The following SFMBT2 variants were observed in gnomAD, a reference collection of about 807,000 sequenced individuals.
SFMBT2 encodes Scm like with four mbt domains 2, also known as scm-like with four MBT domains protein 2.
In SFMBT2, 38 loss-of-function variants were observed where a neutral mutation model predicts 110.1. The ratio of observed to expected loss-of-function variants is 0.35; its 90% confidence interval spans 0.27 to 0.45. The LOEUF is 0.45. Ranked by LOEUF, SFMBT2 falls within the 20% of genes least tolerant of loss-of-function variation. The pLI, the probability that SFMBT2 is intolerant of heterozygous loss-of-function variation, is 1.00. For missense variants in SFMBT2, 1,011 were observed against 1,094.9 expected, an observed-to-expected ratio of 0.92 and a Z score of 1.08; for synonymous variants, 425 against 425.4, an observed-to-expected ratio of 1.00 and a Z score of 0.01.
chr10:7,211,344 C>G (rs1475001948), intron 11 of SFMBT2, among the ~76,000 whole-genome samples: 1 of 152,114 alleles, frequency 6.6e-6, no homozygotes, highest in Non-Finnish European at 1.5e-5. Flanking sequence ...GCTTGGGACC[C>G]CTTCAGTGAG....
intron 15 of SFMBT2, among the ~76,000 whole-genome samples, chr10:7,197,242 C>T (rs1838803710): frequency 6.6e-6 from 1 of 152,124 alleles, no homozygotes; most frequent in Non-Finnish European, 1.5e-5. Flanking sequence ...TAGGCCCTCA[C>T]TCCACACACA....
At chr10:7,234,112 A>C (rs1840188329) in intron 9 of SFMBT2, among the ~76,000 whole-genome samples, 1 of 152,234 alleles carries the variant, frequency 6.6e-6, no homozygotes, top group African/African-American at 2.4e-5. Flanking sequence ...GGTGATGTTC[A>C]GTTTCAAGCC....
chr10:7,234,985 G>C (rs2131695279), intron 9 of SFMBT2, among the ~76,000 whole-genome samples: 1 of 152,302 alleles, frequency 6.6e-6, no homozygotes, highest in East Asian at 1.9e-4. Context: ...GGATCAGAGA[G>C]GCAGCAGAGA....
At chr10:7,184,228 G>C (rs1277473635) in intron 16 of SFMBT2, among the ~76,000 whole-genome samples, 1 of 152,154 alleles carries the variant, frequency 6.6e-6, no homozygotes, top group Non-Finnish European at 1.5e-5. Context: ...ATCTCATCTT[G>C]AATTGTAGCT....
chr10:7,259,085 G>T (rs1242034015), intron 7 of SFMBT2, among the ~76,000 whole-genome samples: 1 of 152,152 alleles, frequency 6.6e-6, no homozygotes, highest in Non-Finnish European at 1.5e-5. Context: ...GACGCTGAGG[G>T]GGCCCCTAAA....
At chr10:7,246,518 A>G (rs1174610131) in intron 8 of SFMBT2, among the ~76,000 whole-genome samples, 1 of 152,138 alleles carries the variant, frequency 6.6e-6, no homozygotes, top group Non-Finnish European at 1.5e-5. Flanking sequence ...CAGGAGTTCG[A>G]GACCAGCCTG....
chr10:7,268,435 T>C (rs921654434), intron 7 of SFMBT2, among the ~76,000 whole-genome samples: 1 of 152,168 alleles, frequency 6.6e-6, no homozygotes, highest in Non-Finnish European at 1.5e-5. Context: ...CATTGGGATA[T>C]GTCATAAGTT....
chr10:7,360,617 GT>G (rs1844686203), intron 4 of SFMBT2, among the ~76,000 whole-genome samples: 1 of 152,170 alleles, frequency 6.6e-6, no homozygotes, highest in East Asian at 1.9e-4. Flanking sequence ...TATATGAAGG[GT>G]TTTGATTCAC....
At chr10:7,270,459 T>G (rs1390245586) in intron 7 of SFMBT2, among the ~76,000 whole-genome samples, 5 of 152,026 alleles carry the variant, frequency 3.3e-5, no homozygotes, top group Non-Finnish European at 7.4e-5. Context: ...AACGTGTAGA[T>G]TCTCACTCAT....
intron 8 of SFMBT2, among the ~76,000 whole-genome samples, chr10:7,246,689 A>G (rs1049250244): frequency 2.3e-5 from 3 of 130,312 alleles, no homozygotes; most frequent in Admixed American, 1.9e-4. Flanking sequence ...ACTGCACTCT[A>G]GCCTGGGTGA....
At chr10:7,206,701 A>G in intron 11 of SFMBT2, 1 of 752,036 alleles carries the variant, frequency 1.3e-6, no homozygotes, top group Non-Finnish European at 1.6e-6. Context: ...ACTCTGAAAA[A>G]GACAAGAAGA....
intron 1 of SFMBT2, among the ~76,000 whole-genome samples, chr10:7,404,821 T>A (rs1289812162): frequency 6.6e-6 from 1 of 152,232 alleles, no homozygotes; most frequent in Admixed American, 6.5e-5. Context: ...TGGGAAGTGT[T>A]AAGGTGGCAT....
chr10:7,255,165 C>T (rs1458635650), intron 7 of SFMBT2, among the ~76,000 whole-genome samples: 1 of 152,206 alleles, frequency 6.6e-6, no homozygotes, highest in Admixed American at 6.5e-5. Flanking sequence ...TTTACACAAA[C>T]ACCCAACTCA....
intron 1 of SFMBT2, among the ~76,000 whole-genome samples, chr10:7,409,026 A>T (rs1846298513): frequency 6.6e-6 from 1 of 151,336 alleles, no homozygotes; most frequent in Non-Finnish European, 1.5e-5. Flanking sequence ...AAGGAAGGCA[A>T]CCCCTCGCCT....
At chr10:7,356,829 T>G (rs952154169) in intron 4 of SFMBT2, among the ~76,000 whole-genome samples, 8 of 152,136 alleles carry the variant, frequency 5.3e-5, no homozygotes, top group Non-Finnish European at 1.5e-5. Flanking sequence ...TGATATGCAG[T>G]TATGGAAATT....
intron 8 of SFMBT2, among the ~76,000 whole-genome samples, chr10:7,245,616 G>A (rs1192235948): frequency 2.0e-5 from 3 of 152,218 alleles, no homozygotes; most frequent in Non-Finnish European, 4.4e-5. Context: ...AGACTGCACA[G>A]CTAAGAGATG....
At chr10:7,204,109 T>C (rs1588334912) in intron 12 of SFMBT2, 1 of 218,074 alleles carries the variant, frequency 4.6e-6, no homozygotes, top group East Asian at 1.8e-4. Context: ...TATTTTTAAG[T>C]AAGGGGAAAC....
At position 7,389,444 on chromosome 10, in the gene SFMBT2, A is replaced by G. The variant is rs112701199; in HGVS notation, c.-51-7495T>C. Among the ~76,000 whole-genome samples, 780 of 152,382 alleles carry G rather than the reference A, an allele frequency of 5.1e-3. 8 individuals are homozygous for G. Among genetic ancestry groups the G allele is most frequent in the African/African-American group, 0.018 (729 of 41,592 alleles). On this transcript the variant is annotated intron_variant, in intron 1 of 20. Transcript: ENST00000397167. ...CAAAGTAAAAGTGTCTATTAATTAA[A>G]GTAACAGTTTTTTCCAAAGACAATA...
intron 1 of SFMBT2, among the ~76,000 whole-genome samples, chr10:7,393,790 C>G (rs909462499): frequency 6.6e-6 from 1 of 152,118 alleles, no homozygotes; most frequent in Non-Finnish European, 1.5e-5. Flanking sequence ...CCTCTGACCC[C>G]TAGACCTAGG....
Sources: gnomAD v4.1 joint callset for allele counts (sites outside exome capture counted in the v4.1 genomes callset) on GRCh38, gnomAD v4.1.1 for gene constraint, MANE v1.5 for transcripts, NCBI Gene and HGNC (gene_info 2026-07-23, HGNC 2026-07-21) for gene names.